The following CDA variants were observed in gnomAD, a reference collection of about 807,000 sequenced individuals.
CDA encodes the protein cytidine deaminase.
In CDA, 7 loss-of-function variants were observed where a neutral mutation model predicts 15.0. That is an observed-to-expected ratio of 0.47 (90% CI 0.26 to 0.87). The LOEUF is 0.87. CDA is among the 40% of genes least tolerant of loss of function. The probability of loss-of-function intolerance (pLI) is 0.15; values close to 1 mark genes in which losing one functional copy is unlikely to be tolerated. For synonymous variants in CDA, 58 were observed against 73.0 expected (o/e 0.79, Z 1.05); for missense variants, 159 against 182.7 (o/e 0.87, Z 0.75).
chr1:20,601,322 C>T (rs962180600), intron 1 of CDA, among the ~76,000 whole-genome samples: 1 of 152,192 alleles, frequency 6.6e-6, no homozygotes, highest in Non-Finnish European at 1.5e-5. Context: ...GTCAGGTGTT[C>T]ATCTTTATGC....
intron 1 of CDA, among the ~76,000 whole-genome samples, chr1:20,595,004 C>T (rs917638574): frequency 7.9e-5 from 12 of 151,938 alleles, no homozygotes; most frequent in African/African-American, 2.9e-4. Context: ...ATGCATCTGG[C>T]GATGAGACCA....
At chr1:20,612,400 T>C (rs1366503842) in intron 2 of CDA, among the ~76,000 whole-genome samples, 1 of 150,062 alleles carries the variant, frequency 6.7e-6, no homozygotes, top group Non-Finnish European at 1.5e-5. Context: ...TCCACCATTG[T>C]GATTTGTTCC....
chr1:20,608,492 C>T (rs1201959770), intron 2 of CDA, among the ~76,000 whole-genome samples: 1 of 148,942 alleles, frequency 6.7e-6, no homozygotes, highest in Admixed American at 6.9e-5. Context: ...TCACTGCAAC[C>T]TCCGCCTCCC....
chr1:20,597,503 C>T (rs2052601696), intron 1 of CDA, among the ~76,000 whole-genome samples: 1 of 152,206 alleles, frequency 6.6e-6, no homozygotes, highest in South Asian at 2.1e-4. Context: ...GGCCTCCTGC[C>T]ACCAGCCTTC....
intron 1 of CDA, among the ~76,000 whole-genome samples, chr1:20,597,893 C>T (rs1201581874): frequency 4.1e-4 from 44 of 107,082 alleles, no homozygotes; most frequent in African/African-American, 1.3e-3. Flanking sequence ...TTTTTATTTG[C>T]CTTTTTTTTT....
chr1:20,592,122 C>G (rs949246184), intron 1 of CDA, among the ~76,000 whole-genome samples: 1 of 152,088 alleles, frequency 6.6e-6, no homozygotes, highest in African/African-American at 2.4e-5. Context: ...AGGCATGAGC[C>G]ACCGCACCCA....
rs192942107 is a variant in CDA, at chr1:20,607,657, A to G, written c.266+2618A>G. Among the ~76,000 whole-genome samples, 63 of 152,308 alleles carry G rather than the reference A, an allele frequency of 4.1e-4. 1 individual carries two copies. Among genetic ancestry groups the G allele is most frequent in the African/African-American group, 1.5e-3 (61 of 41,558 alleles). On this transcript the variant is annotated intron_variant, in intron 2 of 3. Transcript: ENST00000375071. ...ACAAAACTAAGTATCACTAGCAATG[A>G]TTAGCAAATGTCCTTATTTACACAA...
intron 1 of CDA, among the ~76,000 whole-genome samples, chr1:20,592,133 G>C (rs1369413423): frequency 6.6e-6 from 1 of 152,008 alleles, no homozygotes; most frequent in Non-Finnish European, 1.5e-5. Flanking sequence ...ACCGCACCCA[G>C]CCAGCTCACA....
chr1:20,600,683 G>A (rs72649200), intron 1 of CDA, among the ~76,000 whole-genome samples: 19,833 of 150,482 alleles, frequency 0.13, 1,350 homozygotes, highest in Admixed American at 0.17. Flanking sequence ...GAACCCAGGA[G>A]GTGGAGATTG....
At position 20,605,905 on chromosome 1, in the gene CDA, T is replaced by C. The variant is rs1402465521; in HGVS notation, c.266+866T>C. 3.2e-5 allele frequency among the ~76,000 whole-genome samples: 4 copies of C among 125,872 alleles called. 1 individual carries two copies. The highest frequency in any genetic ancestry group is 7.1e-5 in the Non-Finnish European group (4 of 56,580). 82.6% of individuals were successfully genotyped at this position (125,872 alleles called of 152,430 possible). ...AAGTAATTATCACAGTGTTGTACCATTGGATTCTCTTGGCTTACTTATAGG... is the reference window on the plus strand; with the variant it reads ...AAGTAATTATCACAGTGTTGTACCACTGGATTCTCTTGGCTTACTTATAGG... On this transcript the variant is annotated intron_variant, in intron 2 of 3. Coordinates refer to ENST00000375071, the MANE Select transcript of CDA (RefSeq NM_001785.3).
chr1:20,617,617 T>C (rs1206147747), intron 3 of CDA, among the ~76,000 whole-genome samples: 2 of 152,126 alleles, frequency 1.3e-5, no homozygotes, highest in Non-Finnish European at 2.9e-5. Flanking sequence ...TGCTCTTCCT[T>C]CCTCTTCCGC....
At chr1:20,610,341 A>G (rs779730524) in intron 2 of CDA, among the ~76,000 whole-genome samples, 3 of 146,618 alleles carry the variant, frequency 2.0e-5, no homozygotes, top group Non-Finnish European at 4.5e-5. Flanking sequence ...TTGCTCTGTC[A>G]CCCAGACTGG....
chr1:20,607,870 A>AC (rs2052708670), intron 2 of CDA, among the ~76,000 whole-genome samples: 4 of 152,196 alleles, frequency 2.6e-5, no homozygotes, highest in African/African-American at 7.2e-5. Flanking sequence ...CTCAGAGAGA[A>AC]CCCCTCTCAG....
intron 2 of CDA, among the ~76,000 whole-genome samples, chr1:20,613,133 C>T (rs1303564773): frequency 6.6e-6 from 1 of 152,118 alleles, no homozygotes; most frequent in African/African-American, 2.4e-5. Flanking sequence ...ACACATGCCT[C>T]CTCCTCCATA....
In CDA at chr1:20,618,487, G is replaced by A. The variant is rs756754575; in HGVS notation, c.360G>A (p.Pro120=). ...GTNWPVYMTK[P]DGTYIVMTVQ... ...ACTGGCCCGTGTACATGACCAAGCC[G>A]GATGGTACGTATATTGTCATGACGG... The change falls in exon 4 of 4, where the codon CCG becomes CCA. Residue 120 remains proline, a synonymous_variant. Coordinates refer to ENST00000375071, the MANE Select transcript of CDA (RefSeq NM_001785.3). The A allele has an allele frequency of 3.2e-5, 51 of 1,613,398 alleles. No homozygotes were observed. Among genetic ancestry groups the A allele is most frequent in the Admixed American group, 1.2e-4 (7 of 59,972 alleles).
rs185053462 is a variant in CDA at position 20,597,042 on chromosome 1, G to A, written c.154+7759G>A. On this transcript the variant is annotated intron_variant, in intron 1 of 3. Transcript: ENST00000375071. Reference sequence around the variant, plus strand: ...CTCTAAAAGTACTGGGATTACAGGCGTGAGCCACCACACTCAGTCTTGCTG... The same window carrying A: ...CTCTAAAAGTACTGGGATTACAGGCATGAGCCACCACACTCAGTCTTGCTG... Among the ~76,000 whole-genome samples, 536 of 152,178 alleles carry A rather than the reference G, an allele frequency of 3.5e-3. 4 individuals carry two copies. Among genetic ancestry groups the A allele is most frequent in the African/African-American group, 0.012 (518 of 41,520 alleles).
rs541676190 is a variant in CDA, at chr1:20,612,386, A to G, written c.267-1456A>G. ...AGCAACTGAAGAACCACAAGAGATG[A>G]CATTCCACCATTGTGATTTGTTCCT... is the stretch of plus-strand genomic sequence containing the variant. On this transcript the variant is annotated intron_variant, in intron 2 of 3. Coordinates refer to ENST00000375071, the MANE Select transcript of CDA (RefSeq NM_001785.3). 2.6e-5 allele frequency among the ~76,000 whole-genome samples: 4 copies of G among 151,738 alleles called. No homozygotes were observed. The East Asian group carries it at 7.8e-4, about 30-fold the overall frequency.
intron 2 of CDA, among the ~76,000 whole-genome samples, chr1:20,611,899 G>C (rs1158320536): frequency 6.6e-6 from 1 of 151,852 alleles, no homozygotes; most frequent in Non-Finnish European, 1.5e-5. Flanking sequence ...GTCTCACTCT[G>C]TCACCCAGGC....
chr1:20,604,589 A>G (rs2052676269), intron 1 of CDA, among the ~76,000 whole-genome samples: 1 of 151,952 alleles, frequency 6.6e-6, no homozygotes, highest in African/African-American at 2.4e-5. Flanking sequence ...GGCTCTACTT[A>G]TTTTTGTAAG....
Sources: allele counts gnomAD v4.1 joint callset (sites outside exome capture counted in the v4.1 genomes callset), GRCh38; gene constraint gnomAD v4.1.1; transcripts MANE v1.5; gene names NCBI Gene and HGNC (gene_info 2026-07-23, HGNC 2026-07-21).